Variants in SYK observed in about 807,000 individuals in gnomAD.
The protein encoded by SYK is tyrosine-protein kinase SYK.
SYK carries 16 observed loss-of-function variants against 77.8 expected under a neutral mutation model. That is an observed-to-expected ratio of 0.21 (90% CI 0.14 to 0.31). SYK has a LOEUF of 0.31. SYK is among the 10% of genes least tolerant of loss of function. The pLI is 1.00. For synonymous variants in SYK, 312 were observed against 308.7 expected (o/e 1.01, Z -0.11); for missense variants, 529 against 814.4 (o/e 0.65, Z 4.26).
chr9:90,812,126 G>T (rs994804494), intron 1 of SYK, among the ~76,000 whole-genome samples: 3 of 152,198 alleles, frequency 2.0e-5, no homozygotes, highest in East Asian at 3.9e-4. Flanking sequence ...GCAGCTTTGG[G>T]GGGAGGGGAA....
intron 8 of SYK, 72 bp from the exon 9 acceptor site, chr9:90,874,600 T>C (rs1306519811): frequency 6.7e-7 from 1 of 1,501,570 alleles, no homozygotes; most frequent in Non-Finnish European, 9.1e-7. Context: ...CCCATGAAGA[T>C]CATGTTCTTG....
chr9:90,864,942 C>T, intron 5 of SYK, 106 bp from the exon 6 acceptor site: 1 of 1,178,236 alleles, frequency 8.5e-7, no homozygotes. Flanking sequence ...GTGCTCACTT[C>T]TCAAGCAGCA....
At chr9:90,836,244 G>C (rs1421410784) in intron 1 of SYK, among the ~76,000 whole-genome samples, 1 of 149,084 alleles carries the variant, frequency 6.7e-6, no homozygotes, top group Non-Finnish European at 1.5e-5. Flanking sequence ...CCGAGATTGT[G>C]CCACTGCACT....
chr9:90,880,630 A>G (rs921099871), intron 11 of SYK, among the ~76,000 whole-genome samples: 4 of 152,212 alleles, frequency 2.6e-5, no homozygotes, highest in Non-Finnish European at 5.9e-5. Flanking sequence ...AAAATGAAAC[A>G]TGAATGCTGG....
At chr9:90,847,457 C>T (rs1402337617) in intron 3 of SYK, among the ~76,000 whole-genome samples, 1 of 152,018 alleles carries the variant, frequency 6.6e-6, no homozygotes, top group African/African-American at 2.4e-5. Flanking sequence ...TTGCAGTTGT[C>T]CAGTTATCAC....
chr9:90,805,733 G>T lies in SYK; in HGVS notation c.-42+3840G>T, dbSNP rs539337643. On this transcript the variant is annotated intron_variant, in intron 1 of 13. Coordinates refer to ENST00000375754, the MANE Select transcript of SYK (RefSeq NM_003177.7). The stretch of plus-strand genomic sequence containing the variant: ...CTATCAGTTCCTGTTGAGTTGACAT[G>T]AAAATGTTTTGGTGTGACCTAAGTT... Among the ~76,000 whole-genome samples the T allele has an allele frequency of 3.2e-4, 48 of 152,284 alleles. No individual in the cohort carries two copies. In the South Asian group the frequency reaches 8.3e-3, roughly 26 times the overall value.
chr9:90,819,479 T>C lies in SYK; in HGVS notation c.-42+17586T>C, dbSNP rs1217654222. ...CATGGCTGGGGAGGCCTCAGAATCA[T>C]GGCAGGAGGTGAAAGGCACTTCTTA... On this transcript the variant is annotated intron_variant, in intron 1 of 13. Coordinates refer to ENST00000375754, the MANE Select transcript of SYK (RefSeq NM_003177.7). Among the ~76,000 whole-genome samples, 8 of 152,198 alleles carry C rather than the reference T, an allele frequency of 5.3e-5. No homozygotes were observed. The East Asian group carries it at 1.5e-3, about 29-fold the overall frequency.
chr9:90,839,968 G>A (rs1257826492), intron 1 of SYK, among the ~76,000 whole-genome samples: 1 of 152,176 alleles, frequency 6.6e-6, no homozygotes, highest in Non-Finnish European at 1.5e-5. Context: ...GGGCTGATGT[G>A]CGCTTTGAGG....
At position 90,878,886 on chromosome 9, in the gene SYK, A is replaced by G. The variant is rs764020430; in HGVS notation, c.1514A>G (p.Gln505Arg). 24 of 1,614,226 alleles carry G rather than the reference A, an allele frequency of 1.5e-5. No homozygotes were observed. The highest frequency in any genetic ancestry group is 3.3e-5 in the Admixed American group (2 of 60,030). The change falls in exon 11 of 14, where the codon CAA becomes CGA. Residue 505 changes from glutamine to arginine, a missense_variant. By Grantham distance (43) the Gln-to-Arg change is conservative. This residue lies in a region of SYK where 208 missense variants were observed against 381.3 expected (regional missense o/e 0.55). Coordinates refer to ENST00000375754, the MANE Select transcript of SYK (RefSeq NM_003177.7). ...LAARNVLLVT[Q>R]HYAKISDFGL... ...GCAAGAAATGTGTTGCTAGTTACCC[A>G]ACATTACGCCAAGATCAGTGATTTC...
intron 3 of SYK, among the ~76,000 whole-genome samples, chr9:90,860,138 G>A (rs1827200354): frequency 6.6e-6 from 1 of 152,202 alleles, no homozygotes. Context: ...ACAGATGTGT[G>A]CCACTGCACC....
At chr9:90,843,263 C>A (rs538018639) in intron 1 of SYK, among the ~76,000 whole-genome samples, 213 of 152,288 alleles carry the variant, frequency 1.4e-3, no homozygotes, top group Non-Finnish European at 2.6e-3. Flanking sequence ...CTTATGGTGA[C>A]CACAAGTCAC....
intron 11 of SYK, among the ~76,000 whole-genome samples, chr9:90,883,749 C>G (rs539030181): frequency 6.6e-6 from 1 of 152,016 alleles, no homozygotes; most frequent in African/African-American, 2.4e-5. Context: ...AGTGAGTTGC[C>G]CTACCACCAT....
At chr9:90,831,349 A>G (rs1825884894) in intron 1 of SYK, among the ~76,000 whole-genome samples, 1 of 152,228 alleles carries the variant, frequency 6.6e-6, no homozygotes, top group South Asian at 2.1e-4. Context: ...CTTGATAACT[A>G]GGACAGATGG....
Position 90,878,888 on chromosome 9 carries a change from C to T in SYK, c.1516C>T (p.His506Tyr). The change falls in exon 11 of 14, where the codon CAT becomes TAT. Residue 506 changes from histidine to tyrosine, a missense_variant. By Grantham distance (83) the His-to-Tyr change is moderately conservative. Transcript: ENST00000375754. Reference sequence around the variant, plus strand: ...AAGAAATGTGTTGCTAGTTACCCAACATTACGCCAAGATCAGTGATTTCGG... The same window carrying T: ...AAGAAATGTGTTGCTAGTTACCCAATATTACGCCAAGATCAGTGATTTCGG... Reference protein sequence around the residue: ...AARNVLLVTQHYAKISDFGLS... With the variant: ...AARNVLLVTQYYAKISDFGLS... 6.2e-7 allele frequency: 1 copy of T among 1,614,178 alleles called. No homozygotes were observed. Among genetic ancestry groups the T allele is most frequent in the Non-Finnish European group, 8.5e-7 (1 of 1,179,994 alleles).
At position 90,884,952 on chromosome 9, in the gene SYK, CACACAT is replaced by C. The variant is rs1828502456; in HGVS notation, c.1582-2795_1582-2790del. Among the ~76,000 whole-genome samples, 6 of 38,720 alleles carry C rather than the reference CACACAT, an allele frequency of 1.5e-4. 2 individuals are homozygous for C. The highest frequency in any genetic ancestry group is 2.4e-4 in the Non-Finnish European group (5 of 20,598). The allele number at this position is 38,720 out of a possible 152,430, so 25.4% of individuals were successfully genotyped here. A position where few individuals can be genotyped will look rare whatever the true frequency, so the allele number is the denominator to read the frequency against. The stretch of plus-strand genomic sequence containing the variant: ...ATATGCACATATGTGTATATATATA[CACACAT>C]ATATGTGTATATATATATATACCCA... On this transcript the variant is annotated intron_variant, in intron 11 of 13. Coordinates refer to ENST00000375754, the MANE Select transcript of SYK (RefSeq NM_003177.7).
At chr9:90,884,359 A>G (rs998846950) in intron 11 of SYK, among the ~76,000 whole-genome samples, 4 of 141,420 alleles carry the variant, frequency 2.8e-5, no homozygotes, top group Non-Finnish European at 6.0e-5. Flanking sequence ...ACATACGTGT[A>G]TACATACATA....
chr9:90,877,850 G>T, intron 10 of SYK, 70 bp downstream of exon 10: 1 of 1,516,214 alleles, frequency 6.6e-7, no homozygotes, highest in Non-Finnish European at 9.1e-7. Flanking sequence ...TGGATGGGCC[G>T]AGCAGCCTGA....
At chr9:90,891,064 C>T (rs140934517) in intron 13 of SYK, among the ~76,000 whole-genome samples, 3 of 151,602 alleles carry the variant, frequency 2.0e-5, no homozygotes, top group East Asian at 3.9e-4. Context: ...TTACATAACA[C>T]GAAAAGAAAC....
chr9:90,857,334 T>G (rs1226794633), intron 3 of SYK, among the ~76,000 whole-genome samples: 1 of 152,230 alleles, frequency 6.6e-6, no homozygotes, highest in Non-Finnish European at 1.5e-5. Context: ...AGTTAAAACT[T>G]CAAAGAGAGT....
Sources: allele counts gnomAD v4.1 joint callset (sites outside exome capture counted in the v4.1 genomes callset), GRCh38; gene constraint gnomAD v4.1.1; regional missense constraint gnomAD v4.1.1; transcripts MANE v1.5; gene names NCBI Gene and HGNC (gene_info 2026-07-23, HGNC 2026-07-21).